Variants in AGAP4 observed in about 807,000 individuals in gnomAD.
The protein encoded by AGAP4 is arf-GAP with GTPase, ANK repeat and PH domain-containing protein 4.
A neutral mutation model predicts 60.7 loss-of-function variants in AGAP4; 13 were observed. That is an observed-to-expected ratio of 0.21 (90% CI 0.14 to 0.34). AGAP4 has a LOEUF of 0.34. AGAP4 is among the 10% of genes least tolerant of loss of function. AGAP4 has a pLI of 1.00. For missense variants in AGAP4, 169 were observed against 884.0 expected, an observed-to-expected ratio of 0.19 and a Z score of 10.26; for synonymous variants, 70 against 339.0, an observed-to-expected ratio of 0.21 and a Z score of 8.72.
chr10:45,834,854 A>AGCT (rs1554897622), intron 4 of AGAP4, among the ~76,000 whole-genome samples: 1 of 145,530 alleles, frequency 6.9e-6, no homozygotes. Flanking sequence ...GCTCACTGCA[A>AGCT]GCTCCGCCTC....
At chr10:45,850,804 T>C (rs2059074271), upstream of AGAP4, among the ~76,000 whole-genome samples, 2 of 151,514 alleles carry the variant, frequency 1.3e-5, no homozygotes, top group South Asian at 2.1e-4. Flanking sequence ...GGAAGAGAAA[T>C]AGGTAAGGAG....
exon 1 of AGAP4, chr10:45,853,708 C>T: frequency 7.8e-7 from 1 of 1,287,806 alleles, no homozygotes; most frequent in South Asian, 1.2e-5. Flanking sequence ...TCAGAAGCTC[C>T]TCTTGGGCAG....
chr10:45,852,217 TAAAAAAAAAA>T (rs781889843), upstream of AGAP4, among the ~76,000 whole-genome samples: 3 of 91,736 alleles, frequency 3.3e-5, no homozygotes, highest in Admixed American at 1.3e-4. Context: ...GGCCAGACTT[TAAAAAAAAAA>T]AAAAAAAAAA....
upstream of AGAP4, chr10:45,854,624 A>C: frequency 9.3e-6 from 1 of 107,050 alleles, no homozygotes; most frequent in African/African-American, 3.7e-5. Context: ...ACAGAGTGAG[A>C]CTCCCTCTCA....
At chr10:45,841,337 G>A (rs1471658182) in intron 4 of AGAP4, among the ~76,000 whole-genome samples, 1 of 148,880 alleles carries the variant, frequency 6.7e-6, no homozygotes, top group African/African-American at 2.5e-5. Context: ...CCTGACCTCA[G>A]ATGATCAGCC....
chr10:45,846,737 GA>G lies in AGAP4; in HGVS notation c.241del (p.Ser81LeufsTer42), dbSNP rs2059005345. ...TATTGTGCTTGCCTCTGGATTGGCA[GA>G]AAGGTTAAACTCCAAAGCTATATGT... ...EMPEALEFNL[S>X]ANPEASTIFQ... On this transcript the variant is annotated frameshift_variant, in exon 2 of 8. Transcript: ENST00000616763. LOFTEE classifies it high-confidence loss of function. The G allele has an allele frequency of 7.7e-7, 1 of 1,302,418 alleles. No homozygotes were observed. The highest frequency in any genetic ancestry group is 2.7e-5 in the Admixed American group (1 of 36,906). 80.7% of individuals were successfully genotyped at this position (1,302,418 alleles called of 1,614,324 possible).
At chr10:45,853,064 T>C (rs1412323452) in intron 1 of AGAP4, among the ~76,000 whole-genome samples, 2 of 151,996 alleles carry the variant, frequency 1.3e-5, no homozygotes, top group Non-Finnish European at 1.5e-5. Flanking sequence ...AAAAAGTCTG[T>C]AATGATCTTT....
In AGAP4 at chr10:45,847,486, C is replaced by A. The variant is rs2059019379; in HGVS notation, c.-139G>T. 3 of 1,529,170 alleles carry A rather than the reference C, an allele frequency of 2.0e-6. No individual in the cohort carries two copies. The highest frequency in any genetic ancestry group is 1.2e-5 in the South Asian group (1 of 84,068). The allele number at this position is 1,529,170 out of a possible 1,614,324, so 94.7% of individuals were successfully genotyped here. On this transcript the variant is annotated 5_prime_UTR_variant, in exon 1 of 8. Coordinates refer to ENST00000616763, the MANE Select transcript of AGAP4 (RefSeq NM_001276343.3). ...CTCGCCTGCCCACCTCACAGCGCGGCCCCGGGCACCAGCCCTGGCCCTGGC... is the reference window on the plus strand; with the variant it reads ...CTCGCCTGCCCACCTCACAGCGCGGACCCGGGCACCAGCCCTGGCCCTGGC...
rs1307814910 is a variant in AGAP4 at position 45,829,909 on chromosome 10, A to G, written c.533+1485T>C. ...AAAGTGATTTTTGACACAATAAAAC[A>G]TAAACCAATATATTCCAAGTAACTA... On this transcript the variant is annotated intron_variant, in intron 6 of 7. Coordinates refer to ENST00000616763, the MANE Select transcript of AGAP4 (RefSeq NM_001276343.3). Among the ~76,000 whole-genome samples, 2 of 149,740 alleles carry G rather than the reference A, an allele frequency of 1.3e-5. 1 individual carries two copies. Among genetic ancestry groups the G allele is most frequent in the Admixed American group, 1.3e-4 (2 of 14,924 alleles).
At chr10:45,844,542 G>T (rs1369428895) in intron 2 of AGAP4, 148 bp from the exon 3 acceptor site, 4 of 1,414,264 alleles carry the variant, frequency 2.8e-6, no homozygotes, top group South Asian at 2.7e-5. Flanking sequence ...ATAAGAGAGA[G>T]CCAGGCAAGA....
At chr10:45,832,914 A>G (rs1764425979) in intron 5 of AGAP4, among the ~76,000 whole-genome samples, 2 of 145,810 alleles carry the variant, frequency 1.4e-5, no homozygotes, top group Non-Finnish European at 3.0e-5. Flanking sequence ...CTGGTGGCAA[A>G]TTAAAACTTA....
chr10:45,830,222 G>C (rs2058709543), intron 6 of AGAP4, among the ~76,000 whole-genome samples: 1 of 145,612 alleles, frequency 6.9e-6, no homozygotes, highest in Non-Finnish European at 1.5e-5. Flanking sequence ...ACCCAGGCTG[G>C]GGTGCAATGG....
At chr10:45,849,838 G>C (rs1283772595), upstream of AGAP4, among the ~76,000 whole-genome samples, 6 of 150,968 alleles carry the variant, frequency 4.0e-5, no homozygotes, top group Admixed American at 3.3e-4. Context: ...CGGGGTTTCT[G>C]CACGTTGGTC....
At chr10:45,831,466 A>T (rs61857370) in intron 5 of AGAP4, 37 bp from the exon 6 acceptor site, 17,874 of 1,563,792 alleles carry the variant, frequency 0.011, 54 homozygotes, top group Non-Finnish European at 0.013. Context: ...ATAGATGTTA[A>T]CATTTGTTAG....
chr10:45,836,203 G>C (rs1288630539), intron 4 of AGAP4, among the ~76,000 whole-genome samples: 1 of 150,446 alleles, frequency 6.6e-6, no homozygotes, highest in Non-Finnish European at 1.5e-5. Flanking sequence ...TCACCTCCTT[G>C]GTTAGGTCTA....
chr10:45,827,328 G>A lies in AGAP4; in HGVS notation c.648C>T (p.Ser216=), dbSNP rs1166492809. 4.4e-6 allele frequency: 7 copies of A among 1,593,106 alleles called. No individual in the cohort carries two copies. The African/African-American group carries it at 7.2e-5, about 16-fold the overall frequency. Residue 216 remains serine (S), a synonymous_variant, in exon 8 of 8, where the codon TCC becomes TCT. Transcript: ENST00000616763. ...TGGTGCTGGGAGTCGATGGAATGGA[G>A]GAGGAATAGTTATTTAAACTCCCAC... ...NGGGSLNNYS[S]SIPSTPSTSQ...
rs1226233769 is a variant in AGAP4 at position 45,846,892 on chromosome 10, G to C, written c.224-137C>G. 121 of 1,053,310 alleles carry C rather than the reference G, an allele frequency of 1.1e-4. No homozygotes were observed. In the South Asian group the frequency reaches 1.8e-3, roughly 16 times the overall value. The allele number at this position is 1,053,310 out of a possible 1,614,324, so 65.2% of individuals were successfully genotyped here. On this transcript the variant is annotated intron_variant, in intron 1 of 7. Coordinates refer to ENST00000616763, the MANE Select transcript of AGAP4 (RefSeq NM_001276343.3). ...GCCAGCCTGGGAGAATGAGATGAGA[G>C]AGCAAGAACTGGGCGATTGGGAGGG... is the stretch of plus-strand genomic sequence containing the variant.
At chr10:45,854,633 C>CAAAAAAAAAAAAAAA (rs1159986731), upstream of AGAP4, 2 of 66,258 alleles carry the variant, frequency 3.0e-5, no homozygotes, top group Non-Finnish European at 5.3e-5. Flanking sequence ...GACTCCCTCT[C>CAAAAAAAAAAAAAAA]AAAAAAAAAA....
At chr10:45,848,721 A>C (rs2059039131), upstream of AGAP4, 1 of 152,656 alleles carries the variant, frequency 6.6e-6, no homozygotes, top group Non-Finnish European at 1.5e-5. Context: ...TGATATAAAG[A>C]AATACCTCAG....
Sources: gnomAD v4.1 joint callset for allele counts (sites outside exome capture counted in the v4.1 genomes callset) on GRCh38, gnomAD v4.1.1 for gene constraint, MANE v1.5 for transcripts, NCBI Gene and HGNC (gene_info 2026-07-23, HGNC 2026-07-21) for gene names.